The following GPLD1 variants were observed in gnomAD, a reference collection of about 807,000 sequenced individuals.
The protein encoded by GPLD1 is phosphatidylinositol-glycan-specific phospholipase D.
GPLD1 carries 84 observed loss-of-function variants against 112.6 expected under a neutral mutation model. The observed-to-expected ratio is 0.75, with a 90% confidence interval of 0.63 to 0.89. GPLD1 has a LOEUF of 0.89. GPLD1 is among the 40% of genes least tolerant of loss of function. GPLD1 has a pLI of 0.00. For missense variants in GPLD1, 1,044 were observed against 1,051.5 expected (o/e 0.99, Z 0.10); for synonymous variants, 386 against 403.8 (o/e 0.96, Z 0.53).
In GPLD1 at chr6:24,479,921, G is replaced by C; in HGVS notation, c.192C>G (p.Ile64Met). 1.2e-6 allele frequency: 2 copies of C among 1,610,982 alleles called. No individual in the cohort carries two copies. The highest frequency in any genetic ancestry group is 1.7e-6 in the Non-Finnish European group (2 of 1,177,190). The change falls in exon 3 of 25, where the codon ATC (isoleucine) becomes ATG (methionine). Residue 64 changes from isoleucine (I) to methionine (M), a missense_variant. By Grantham distance (10) the Ile-to-Met change is conservative. Transcript: ENST00000230036. The stretch of plus-strand genomic sequence containing the variant: ...TAGGGTAAAAACAATCAGGAAACAC[G>C]ATTCCAGCCTGATACGCATCCTGGT... ...LEHQDAYQAG[I>M]VFPDCFYPSI...
chr6:24,441,211 CAGG>C (rs1408754059), intron 20 of GPLD1, among the ~76,000 whole-genome samples: 1 of 150,644 alleles, frequency 6.6e-6, no homozygotes, highest in Non-Finnish European at 1.5e-5. Context: ...GAGAATGAAA[CAGG>C]AGAACTGCAT....
At chr6:24,452,305 T>C (rs948879561) in intron 14 of GPLD1, among the ~76,000 whole-genome samples, 2 of 152,156 alleles carry the variant, frequency 1.3e-5, no homozygotes, top group African/African-American at 4.8e-5. Context: ...GCAACAAGAT[T>C]AGATAAATTT....
chr6:24,448,862 T>C (rs990098411), intron 15 of GPLD1, among the ~76,000 whole-genome samples: 1 of 152,112 alleles, frequency 6.6e-6, no homozygotes, highest in African/African-American at 2.4e-5. Flanking sequence ...CTTGCCTGTC[T>C]CCATCCCCAT....
chr6:24,443,992 T>G (rs1354845356), intron 20 of GPLD1, among the ~76,000 whole-genome samples: 1 of 152,194 alleles, frequency 6.6e-6, no homozygotes, highest in Non-Finnish European at 1.5e-5. Context: ...CCACTTCTGC[T>G]TATTATTCAA....
chr6:24,459,538 T>C (rs1441010218), intron 12 of GPLD1, among the ~76,000 whole-genome samples: 2 of 152,166 alleles, frequency 1.3e-5, no homozygotes, highest in Non-Finnish European at 1.5e-5. Flanking sequence ...ATTACAGGCG[T>C]GAGCCACCAC....
intron 22 of GPLD1, among the ~76,000 whole-genome samples, chr6:24,436,149 G>C (rs919049683): frequency 1.3e-5 from 2 of 152,004 alleles, no homozygotes; most frequent in Non-Finnish European, 1.5e-5. Context: ...CTAGCTACTC[G>C]GGAGGCTGAG....
At chr6:24,473,479 T>C in intron 6 of GPLD1, 140 bp downstream of exon 6, 1 of 567,908 alleles carries the variant, frequency 1.8e-6, no homozygotes, top group Non-Finnish European at 3.2e-6. Flanking sequence ...ACATCTCTAC[T>C]CTAAATGAAC....
chr6:24,495,179 C>A lies in GPLD1; in HGVS notation n.27G>T, dbSNP rs776791710. On this transcript the variant is annotated non_coding_transcript_exon_variant, in exon 1 of 11. Coordinates refer to the GPLD1 transcript ENST00000474784. ...GCCTCTCTGCGGCGCTGCTGCGCAC[C>A]GACAGCTTCGTGGGCGGCCGCTGGC... is the stretch of plus-strand genomic sequence containing the variant. 6.7e-7 allele frequency: 1 copy of A among 1,500,026 alleles called. No individual in the cohort carries two copies. The highest frequency in any genetic ancestry group is 8.8e-7 in the Non-Finnish European group (1 of 1,132,248). The allele number at this position is 1,500,026 out of a possible 1,614,324, so 92.9% of individuals were successfully genotyped here.
At chr6:24,486,037 TA>T in intron 2 of GPLD1, 37 bp downstream of exon 2, 1 of 1,237,420 alleles carries the variant, frequency 8.1e-7, no homozygotes, top group Non-Finnish European at 1.2e-6. Context: ...AAAAGAAAAC[TA>T]ATGCACAAAG....
At chr6:24,467,007 A>T in intron 8 of GPLD1, 68 bp from the exon 9 acceptor site, 1 of 1,385,870 alleles carries the variant, frequency 7.2e-7, no homozygotes, top group Non-Finnish European at 1.0e-6. Context: ...CAAATAATGA[A>T]GAAAAAGTTC....
At position 24,489,566 on chromosome 6, in the gene GPLD1, A is replaced by G; in HGVS notation, c.-55T>C. The G allele has an allele frequency of 6.2e-7, 1 of 1,610,704 alleles. No individual in the cohort carries two copies. The highest frequency in any genetic ancestry group is 1.3e-5 in the African/African-American group (1 of 74,882). The stretch of plus-strand genomic sequence containing the variant: ...ACGTGGGAATGCTCAGAGCTGCAGC[A>G]GCACTGGGACTCCAAAATCCAGGTG... On this transcript the variant is annotated 5_prime_UTR_variant, in exon 1 of 25. Coordinates refer to ENST00000230036, the MANE Select transcript of GPLD1 (RefSeq NM_001503.4).
At chr6:24,479,172 G>C (rs1764118227) in intron 3 of GPLD1, among the ~76,000 whole-genome samples, 1 of 151,762 alleles carries the variant, frequency 6.6e-6, no homozygotes, top group African/African-American at 2.4e-5. Flanking sequence ...TCAACCCCAA[G>C]ATAACCTCCC....
intron 20 of GPLD1, among the ~76,000 whole-genome samples, chr6:24,438,785 CT>C (rs200314335): frequency 0.28 from 42,581 of 150,818 alleles, 6,445 homozygotes; most frequent in African/African-American, 0.38. Flanking sequence ...ATCTTCATTC[CT>C]TTTTCTTTTT....
At chr6:24,448,066 C>T (rs773256113) in intron 16 of GPLD1, 33 bp from the exon 17 acceptor site, 2 of 1,613,272 alleles carry the variant, frequency 1.2e-6, no homozygotes, top group Non-Finnish European at 1.7e-6. Context: ...ACATTTTACC[C>T]AGCCCTGGTG....
rs4646832 is a variant in GPLD1 at position 24,495,102 on chromosome 6, G to C, written n.104C>G. 0.028 allele frequency: 36,790 copies of C among 1,315,212 alleles called. 855 individuals are homozygous for C. Among genetic ancestry groups the C allele is most frequent in the East Asian group, 0.1 (3,206 of 31,784 alleles). 81.5% of individuals were successfully genotyped at this position (1,315,212 alleles called of 1,614,324 possible). On this transcript the variant is annotated non_coding_transcript_exon_variant, in exon 1 of 11. Transcript: ENST00000474784. ...CGCCGGCGGCCTGGTCCCTGCCTCCGGGCCTGCGCCCGGCCCGGCCCAGCT... is the reference window on the plus strand; with the variant it reads ...CGCCGGCGGCCTGGTCCCTGCCTCCCGGCCTGCGCCCGGCCCGGCCCAGCT...
rs973906196 is a variant in GPLD1, at chr6:24,467,225, G to A, written c.595C>T (p.Arg199Ter). ...ATTACATTTTCGGTGATGACTTTTC[G>A]ACCATACAGTTTCTCATAAATTCCC... Reference protein sequence around the residue: ...LLGIYEKLYGRKVITENVIVD... With the variant: ...LLGIYEKLYG Residue 199 changes from arginine (R) to a stop codon, truncating the protein, a stop_gained, in exon 8 of 25, where the codon CGA becomes TGA. Transcript: ENST00000230036. LOFTEE classifies it high-confidence loss of function. 12 of 1,608,340 alleles carry A rather than the reference G, an allele frequency of 7.5e-6. No homozygotes were observed. The highest frequency in any genetic ancestry group is 2.2e-5 in the East Asian group (1 of 44,834).
chr6:24,468,569 T>G (rs376829803), intron 7 of GPLD1, among the ~76,000 whole-genome samples: 42 of 152,008 alleles, frequency 2.8e-4, no homozygotes, highest in African/African-American at 7.7e-4. Context: ...TTATTTTTTT[T>G]TTGAGATGGA....
intron 24 of GPLD1, among the ~76,000 whole-genome samples, chr6:24,432,440 G>C (rs1561825652): frequency 6.6e-6 from 1 of 151,778 alleles, no homozygotes; most frequent in Non-Finnish European, 1.5e-5. Context: ...TCTACAAAAA[G>C]TTTTTGAAAA....
chr6:24,461,729 C>T (rs1012246177), intron 11 of GPLD1, among the ~76,000 whole-genome samples: 3 of 152,224 alleles, frequency 2.0e-5, no homozygotes, highest in African/African-American at 4.8e-5. Flanking sequence ...ACAATGTCCA[C>T]AATTACTTGT....
Sources: gnomAD v4.1 joint callset for allele counts (sites outside exome capture counted in the v4.1 genomes callset) on GRCh38, gnomAD v4.1.1 for gene constraint, MANE v1.5 for transcripts, NCBI Gene and HGNC (gene_info 2026-07-23, HGNC 2026-07-21) for gene names.